The following EYS variants were observed in gnomAD, a reference collection of about 807,000 sequenced individuals.
EYS encodes EGF-like photoreceptor maintenance factor.
A neutral mutation model predicts 282.1 loss-of-function variants in EYS; 250 were observed. The observed-to-expected ratio is 0.89, with a 90% CI of 0.80 to 0.98. The LOEUF is 0.98. Among genes scored for constraint, EYS ranks in the 50% least tolerant of loss-of-function variants. EYS has a pLI of 0.00. For synonymous variants in EYS, 1,355 were observed against 1,282.9 expected, an observed-to-expected ratio of 1.06 and a Z score of -1.20; for missense variants, 4,016 against 3,709.0, an observed-to-expected ratio of 1.08 and a Z score of -2.15.
intron 35 of EYS, among the ~76,000 whole-genome samples, chr6:63,948,247 AT>A (rs1765456635): frequency 6.6e-6 from 1 of 152,232 alleles, no homozygotes; most frequent in Non-Finnish European, 1.5e-5. Flanking sequence ...AGAAGCTGCC[AT>A]TGTGTGAAGA....
chr6:64,993,896 T>A (rs2150124082), intron 14 of EYS, among the ~76,000 whole-genome samples: 1 of 151,128 alleles, frequency 6.6e-6, no homozygotes, highest in East Asian at 1.9e-4. Context: ...TGTGTGTGTG[T>A]GATGTGTGTG....
intron 26 of EYS, among the ~76,000 whole-genome samples, chr6:64,558,550 C>G (rs540029133): frequency 6.6e-6 from 1 of 151,418 alleles, no homozygotes; most frequent in African/African-American, 2.4e-5. Flanking sequence ...ACAACAACAA[C>G]AAAAAAAACA....
chr6:65,382,595 T>C (rs1318571525), intron 8 of EYS, among the ~76,000 whole-genome samples: 4 of 151,538 alleles, frequency 2.6e-5, no homozygotes, highest in Non-Finnish European at 4.4e-5. Context: ...GGGGAGTTTA[T>C]TAAGGAGTAT....
In EYS at chr6:64,591,570, C is replaced by G. The variant is rs961406250; in HGVS notation, c.4297G>C (p.Gly1433Arg). 3 of 1,551,094 alleles carry G rather than the reference C, an allele frequency of 1.9e-6. No individual in the cohort carries two copies. The highest frequency in any genetic ancestry group is 1.7e-6 in the Non-Finnish European group (2 of 1,146,726). ...PTTSVIRSIP[G>R]ADIELNRQSL... ...TGCCTGTTTAGCTCAATATCAGCCCCTGGAATGCTTCTAATTACTGAAGTC... is the reference window on the plus strand; with the variant it reads ...TGCCTGTTTAGCTCAATATCAGCCCGTGGAATGCTTCTAATTACTGAAGTC... The change falls in exon 26 of 43, where the codon GGG (glycine) becomes CGG (arginine). Residue 1433 changes from glycine to arginine, a missense_variant. By Grantham distance (125) the Gly-to-Arg change is moderately radical. Coordinates refer to ENST00000503581, the MANE Select transcript of EYS (RefSeq NM_001142800.2).
At chr6:63,999,720 A>G (rs1234690689) in intron 33 of EYS, among the ~76,000 whole-genome samples, 1 of 152,228 alleles carries the variant, frequency 6.6e-6, no homozygotes, top group Non-Finnish European at 1.5e-5. Flanking sequence ...ATCGGCTGGT[A>G]CTGTATCTCA....
chr6:64,745,374 G>T (rs1436784946), intron 22 of EYS, among the ~76,000 whole-genome samples: 2 of 152,060 alleles, frequency 1.3e-5, no homozygotes, highest in African/African-American at 2.4e-5. Context: ...AAAAAATGCA[G>T]TTTATTTTGT....
chr6:64,113,026 C>T (rs11756809), intron 31 of EYS, among the ~76,000 whole-genome samples: 5 of 151,886 alleles, frequency 3.3e-5, no homozygotes, highest in African/African-American at 4.8e-5. Context: ...CTATCTGTTC[C>T]TTAAGGTTAT....
At chr6:63,928,235 T>G (rs1429444079) in intron 35 of EYS, among the ~76,000 whole-genome samples, 1 of 152,212 alleles carries the variant, frequency 6.6e-6, no homozygotes, top group Non-Finnish European at 1.5e-5. Flanking sequence ...ATTTTTCAAA[T>G]GCTCTATGAC....
intron 30 of EYS, among the ~76,000 whole-genome samples, chr6:64,234,949 C>T (rs1234536127): frequency 6.6e-6 from 1 of 151,830 alleles, no homozygotes; most frequent in African/African-American, 2.4e-5. Context: ...CCAATCTTGG[C>T]TCACTGCAAC....
At chr6:64,443,592 G>A (rs112394375) in intron 26 of EYS, among the ~76,000 whole-genome samples, 70 of 152,332 alleles carry the variant, frequency 4.6e-4, no homozygotes, top group African/African-American at 1.5e-3. Flanking sequence ...AACCTGGTGA[G>A]AGATGATTGA....
At chr6:64,662,681 T>A (rs1267756905) in intron 22 of EYS, among the ~76,000 whole-genome samples, 1 of 152,196 alleles carries the variant, frequency 6.6e-6, no homozygotes, top group Non-Finnish European at 1.5e-5. Flanking sequence ...CTCATAGATT[T>A]TTTTTGTTTA....
chr6:65,648,376 T>C (rs1767533579), intron 1 of EYS, among the ~76,000 whole-genome samples: 1 of 149,284 alleles, frequency 6.7e-6, no homozygotes, highest in Non-Finnish European at 1.5e-5. Flanking sequence ...TACACAGCCA[T>C]AAAAAGGAAT....
chr6:64,884,272 T>C (rs1157507992), intron 19 of EYS, among the ~76,000 whole-genome samples: 1 of 151,630 alleles, frequency 6.6e-6, no homozygotes, highest in Non-Finnish European at 1.5e-5. Context: ...GTATTTAATG[T>C]TATTTTAACT....
chr6:63,813,465 G>A (rs973215873), intron 36 of EYS, among the ~76,000 whole-genome samples: 7 of 152,162 alleles, frequency 4.6e-5, no homozygotes, highest in Admixed American at 3.9e-4. Context: ...CCTTTTACCT[G>A]ACAAAATATA....
intron 31 of EYS, among the ~76,000 whole-genome samples, chr6:64,123,405 A>G (rs1408252570): frequency 1.3e-5 from 2 of 152,168 alleles, no homozygotes; most frequent in Non-Finnish European, 2.9e-5. Context: ...TAGTTGACAT[A>G]TTTTTGAAGA....
intron 30 of EYS, among the ~76,000 whole-genome samples, chr6:64,289,736 A>C (rs1012220708): frequency 6.6e-6 from 1 of 152,084 alleles, no homozygotes; most frequent in African/African-American, 2.4e-5. Flanking sequence ...AGGTCAATAT[A>C]TATTTACTGT....
intron 12 of EYS, among the ~76,000 whole-genome samples, chr6:65,221,918 G>A (rs1416233943): frequency 3.9e-5 from 6 of 152,146 alleles, no homozygotes; most frequent in African/African-American, 1.4e-4. Flanking sequence ...AGATCATTAC[G>A]AAGCTTTAAG....
At chr6:63,779,554 A>C (rs1380891858) in intron 39 of EYS, among the ~76,000 whole-genome samples, 2 of 152,108 alleles carry the variant, frequency 1.3e-5, no homozygotes, top group African/African-American at 2.4e-5. Flanking sequence ...TTTGAAATGA[A>C]AGTGTTTGAA....
intron 12 of EYS, among the ~76,000 whole-genome samples, chr6:65,077,760 G>A (rs1009692719): frequency 1.1e-4 from 16 of 151,926 alleles, no homozygotes; most frequent in African/African-American, 3.9e-4. Context: ...AAAAATCATG[G>A]CAATTAATTT....
Sources: gnomAD v4.1 joint callset for allele counts (sites outside exome capture counted in the v4.1 genomes callset) on GRCh38, gnomAD v4.1.1 for gene constraint, MANE v1.5 for transcripts, NCBI Gene and HGNC (gene_info 2026-07-23, HGNC 2026-07-21) for gene names.